IL1RAPL1: variants seen among roughly 807,000 people sequenced by gnomAD.
The protein encoded by IL1RAPL1 is interleukin 1 receptor accessory protein like 1.
IL1RAPL1 carries 3 observed loss-of-function variants against 48.4 expected under a neutral mutation model. The ratio of observed to expected loss-of-function variants is 0.06; its 90% CI spans 0.03 to 0.16. The LOEUF (loss-of-function observed/expected upper bound fraction) is 0.16, where lower values mean the gene tolerates loss of function less well. Ranked by LOEUF, IL1RAPL1 falls within the 10% of genes least tolerant of loss-of-function variation. IL1RAPL1 has a pLI of 1.00. For missense variants in IL1RAPL1, 349 were observed against 530.6 expected, an observed-to-expected ratio of 0.66 and a Z score of 3.36; for synonymous variants, 185 against 187.7, an observed-to-expected ratio of 0.99 and a Z score of 0.12.
At chrX:29,261,303 G>A (rs1370600346) in intron 2 of IL1RAPL1, among the ~76,000 whole-genome samples, 2 of 110,997 alleles carry the variant, frequency 1.8e-5, no homozygotes, top group Non-Finnish European at 3.8e-5. Flanking sequence ...AATGTTATCT[G>A]ATAAATAAGA....
chrX:28,919,653 G>A (rs1348722806), intron 2 of IL1RAPL1, among the ~76,000 whole-genome samples: 1 of 111,815 alleles, frequency 8.9e-6, no homozygotes, highest in African/African-American at 3.2e-5. Flanking sequence ...TTATGAAGTT[G>A]TTGGTTATGT....
chrX:29,058,200 C>A (rs945042198), intron 2 of IL1RAPL1, among the ~76,000 whole-genome samples: 4 of 109,724 alleles, frequency 3.6e-5, no homozygotes, highest in Non-Finnish European at 5.7e-5. Flanking sequence ...ATGGTGAAAC[C>A]CCCCCGTCTC....
intron 9 of IL1RAPL1, among the ~76,000 whole-genome samples, chrX:29,953,712 AAATT>A (rs1933358806): frequency 8.9e-6 from 1 of 111,738 alleles, no homozygotes; most frequent in African/African-American, 3.3e-5. Context: ...TCCTAGTAAA[AAATT>A]AATTCTCACA....
At chrX:29,617,989 C>G (rs1464706621) in intron 5 of IL1RAPL1, among the ~76,000 whole-genome samples, 1 of 111,711 alleles carries the variant, frequency 9.0e-6, no homozygotes, top group African/African-American at 3.3e-5. Flanking sequence ...TCTTTCTACC[C>G]GGAGCCTAGG....
intron 1 of IL1RAPL1, among the ~76,000 whole-genome samples, chrX:28,765,364 C>G (rs1270743658): frequency 9.0e-6 from 1 of 110,972 alleles, no homozygotes; most frequent in Non-Finnish European, 1.9e-5. Context: ...GGCTCATGGG[C>G]TATTGTTTGC....
chrX:29,550,425 C>T (rs1329226650), intron 5 of IL1RAPL1, among the ~76,000 whole-genome samples: 1 of 111,247 alleles, frequency 9.0e-6, no homozygotes, highest in Admixed American at 9.5e-5. Context: ...GTGATCCGCC[C>T]GCCTCGGCCT....
intron 8 of IL1RAPL1, among the ~76,000 whole-genome samples, chrX:29,924,008 C>G (rs1318796180): frequency 8.9e-6 from 1 of 111,929 alleles, no homozygotes; most frequent in Non-Finnish European, 1.9e-5. Flanking sequence ...CAAAACCCAA[C>G]TCTGTTCTTA....
At chrX:29,339,226 A>G (rs956114641) in intron 3 of IL1RAPL1, among the ~76,000 whole-genome samples, 5 of 111,735 alleles carry the variant, frequency 4.5e-5, no homozygotes, top group Non-Finnish European at 9.4e-5. Flanking sequence ...GAGGCAGATC[A>G]TTTTCACTCC....
intron 1 of IL1RAPL1, among the ~76,000 whole-genome samples, chrX:28,759,621 CTG>C (rs1165603274): frequency 8.9e-6 from 1 of 111,803 alleles, no homozygotes; most frequent in African/African-American, 3.3e-5. Flanking sequence ...TTCGTACCAA[CTG>C]TACGTATTTT....
At chrX:28,695,352 G>A (rs1935219251) in intron 1 of IL1RAPL1, among the ~76,000 whole-genome samples, 1 of 110,664 alleles carries the variant, frequency 9.0e-6, no homozygotes, top group Middle Eastern at 4.7e-3. Context: ...GAAGGGGTAA[G>A]AATTTGAATC....
intron 2 of IL1RAPL1, among the ~76,000 whole-genome samples, chrX:28,799,694 C>T (rs1386364041): frequency 8.9e-6 from 1 of 111,776 alleles, no homozygotes; most frequent in African/African-American, 3.3e-5. Context: ...CGATAAAAAT[C>T]GTATTTACAT....
At chrX:29,062,111 A>G (rs770584224) in intron 2 of IL1RAPL1, among the ~76,000 whole-genome samples, 2 of 112,362 alleles carry the variant, frequency 1.8e-5, no homozygotes, top group South Asian at 3.6e-4. Context: ...GTAATATTGT[A>G]TCTTTCAGAC....
At chrX:29,565,108 G>C (rs1455048450) in intron 5 of IL1RAPL1, among the ~76,000 whole-genome samples, 1 of 111,613 alleles carries the variant, frequency 9.0e-6, no homozygotes, top group Non-Finnish European at 1.9e-5. Flanking sequence ...CAATGACTGT[G>C]ACATGACTAA....
chrX:29,322,265 CTCTT>C (rs1244282715), intron 3 of IL1RAPL1, among the ~76,000 whole-genome samples: 5 of 107,469 alleles, frequency 4.7e-5, no homozygotes, highest in Admixed American at 2.0e-4. Context: ...CTCTCTCTCT[CTCTT>C]TCTTTCTTTT....
At chrX:28,841,584 C>T (rs1476508847) in intron 2 of IL1RAPL1, among the ~76,000 whole-genome samples, 1 of 110,763 alleles carries the variant, frequency 9.0e-6, no homozygotes, top group Admixed American at 9.7e-5. Flanking sequence ...AGAGAAATTG[C>T]AATGAAATTG....
chrX:29,800,809 A>AC (rs1157030031), intron 6 of IL1RAPL1, among the ~76,000 whole-genome samples: 8 of 85,964 alleles, frequency 9.3e-5, no homozygotes, highest in Non-Finnish European at 1.8e-4. Flanking sequence ...ACATGGAGAA[A>AC]CCCCGTCTCT....
At position 29,675,039 on chromosome X, in the gene IL1RAPL1, A is replaced by G. The variant is rs772063565; in HGVS notation, c.778+6535A>G. Among the ~76,000 whole-genome samples the G allele has an allele frequency of 1.1e-4, 12 of 112,288 alleles. No individual in the cohort carries two copies. In the East Asian group the frequency reaches 3.3e-3, roughly 31 times the overall value. ...AGTGCTGCAATGAACATATGCATTC[A>G]TGTGTCTTTATGATAGAAGGATTTA... is the stretch of plus-strand genomic sequence containing the variant. On this transcript the variant is annotated intron_variant, in intron 6 of 10. Coordinates refer to ENST00000378993, the MANE Select transcript of IL1RAPL1 (RefSeq NM_014271.4).
intron 2 of IL1RAPL1, among the ~76,000 whole-genome samples, chrX:29,057,268 C>G (rs1927236172): frequency 9.0e-6 from 1 of 111,356 alleles, no homozygotes. Context: ...GCAGTTTACT[C>G]AAGTCTCCTG....
chrX:29,420,964 T>C (rs1476179012), intron 5 of IL1RAPL1, among the ~76,000 whole-genome samples: 1 of 112,311 alleles, frequency 8.9e-6, no homozygotes, highest in Non-Finnish European at 1.9e-5. Context: ...GTTTTCTTCT[T>C]AAGTCAGCAC....
Sources: allele counts gnomAD v4.1 joint callset (sites outside exome capture counted in the v4.1 genomes callset), GRCh38; gene constraint gnomAD v4.1.1; transcripts MANE v1.5; gene names NCBI Gene and HGNC (gene_info 2026-07-23, HGNC 2026-07-21).